ATG5: variants seen among roughly 807,000 people sequenced by gnomAD.
ATG5 encodes the protein autophagy related 5.
In ATG5, 14 loss-of-function variants were observed where a neutral mutation model predicts 36.5. The observed-to-expected ratio is 0.38, with a 90% CI of 0.25 to 0.60. The LOEUF (loss-of-function observed/expected upper bound fraction) is 0.60. Ranked by LOEUF, ATG5 falls within the 20% of genes least tolerant of loss-of-function variation. The probability of loss-of-function intolerance (pLI) is 0.60; values close to 1 mark genes in which losing one functional copy is unlikely to be tolerated. For missense variants in ATG5, 195 were observed against 326.7 expected (o/e 0.60, Z 3.11); for synonymous variants, 95 against 101.5 (o/e 0.94, Z 0.38).
chr6:106,225,869 GGACA>G (rs1777433763), intron 6 of ATG5, among the ~76,000 whole-genome samples: 1 of 151,998 alleles, frequency 6.6e-6, no homozygotes, highest in South Asian at 2.1e-4. Context: ...ATAACAGATG[GGACA>G]AACAAGCTAA....
At chr6:106,192,548 G>A (rs2114317217) in intron 7 of ATG5, among the ~76,000 whole-genome samples, 1 of 151,988 alleles carries the variant, frequency 6.6e-6, no homozygotes, top group South Asian at 2.1e-4. Context: ...TATCTTTAAG[G>A]GAAATTCATA....
At chr6:106,224,072 A>G (rs1435880292) in intron 6 of ATG5, among the ~76,000 whole-genome samples, 1 of 152,252 alleles carries the variant, frequency 6.6e-6, no homozygotes. Context: ...GAAGAAATCA[A>G]GGAAGACTTC....
intron 4 of ATG5, among the ~76,000 whole-genome samples, chr6:106,288,278 T>G (rs1209651594): frequency 6.6e-6 from 1 of 152,092 alleles, no homozygotes; most frequent in Non-Finnish European, 1.5e-5. Flanking sequence ...GCACAATTAA[T>G]TTTTCTAATA....
At chr6:106,212,412 G>A (rs1238599200) in intron 6 of ATG5, among the ~76,000 whole-genome samples, 1 of 152,200 alleles carries the variant, frequency 6.6e-6, no homozygotes, top group Non-Finnish European at 1.5e-5. Flanking sequence ...AGGCCAAGGC[G>A]GGCGGATCAC....
chr6:106,299,166 T>C (rs1318175172), intron 3 of ATG5, among the ~76,000 whole-genome samples: 3 of 152,220 alleles, frequency 2.0e-5, no homozygotes, highest in Non-Finnish European at 4.4e-5. Context: ...CCTAGCTGGA[T>C]ACCAAAATTC....
intron 3 of ATG5, among the ~76,000 whole-genome samples, chr6:106,293,551 T>C (rs1250819518): frequency 2.0e-5 from 3 of 152,220 alleles, no homozygotes; most frequent in Admixed American, 6.5e-5. Context: ...TCTGTGGTTA[T>C]TACCATTAAC....
intron 7 of ATG5, among the ~76,000 whole-genome samples, chr6:106,193,791 A>G (rs181564729): frequency 6.6e-6 from 1 of 152,352 alleles, no homozygotes; most frequent in East Asian, 1.9e-4. Flanking sequence ...TTTAAAATAT[A>G]GACAATAATT....
chr6:106,247,564 G>A (rs1778391809), intron 6 of ATG5, among the ~76,000 whole-genome samples: 1 of 152,154 alleles, frequency 6.6e-6, no homozygotes, highest in African/African-American at 2.4e-5. Flanking sequence ...GCTCCTGGGG[G>A]AATACAAGGT....
At chr6:106,277,879 A>G (rs1373298926) in intron 5 of ATG5, among the ~76,000 whole-genome samples, 1 of 152,170 alleles carries the variant, frequency 6.6e-6, no homozygotes. Context: ...AGAAATCCTA[A>G]TATTTATTTA....
chr6:106,239,369 T>C (rs989790199), intron 6 of ATG5, among the ~76,000 whole-genome samples: 2 of 152,162 alleles, frequency 1.3e-5, no homozygotes, highest in African/African-American at 4.8e-5. Flanking sequence ...CATGTTCTTG[T>C]CTGGGAAGAC....
intron 1 of ATG5, among the ~76,000 whole-genome samples, chr6:106,319,433 A>G (rs1770980838): frequency 6.6e-6 from 1 of 152,172 alleles, no homozygotes; most frequent in Admixed American, 6.5e-5. Context: ...CAGGTGCTAG[A>G]AGAAGAATAA....
At chr6:106,196,620 T>G (rs1776202773) in intron 7 of ATG5, among the ~76,000 whole-genome samples, 1 of 151,910 alleles carries the variant, frequency 6.6e-6, no homozygotes, top group South Asian at 2.1e-4. Context: ...GCTACTTGCG[T>G]GACCGAAGCA....
At chr6:106,193,981 A>G (rs572668008) in intron 7 of ATG5, among the ~76,000 whole-genome samples, 2 of 152,314 alleles carry the variant, frequency 1.3e-5, no homozygotes, top group Admixed American at 1.3e-4. Context: ...AGGTTAATTC[A>G]TTTAACTTCT....
At chr6:106,318,264 C>T (rs1046323163) in intron 1 of ATG5, among the ~76,000 whole-genome samples, 1 of 152,048 alleles carries the variant, frequency 6.6e-6, no homozygotes, top group Non-Finnish European at 1.5e-5. Context: ...GATCATAAAC[C>T]AAAACATCAT....
intron 5 of ATG5, among the ~76,000 whole-genome samples, chr6:106,257,318 T>A (rs941277839): frequency 6.6e-6 from 1 of 152,194 alleles, no homozygotes; most frequent in African/African-American, 2.4e-5. Flanking sequence ...AATAGTAACA[T>A]AGTCGTTTAT....
chr6:106,210,352 T>C (rs1424100326), intron 6 of ATG5, among the ~76,000 whole-genome samples: 1 of 152,212 alleles, frequency 6.6e-6, no homozygotes, highest in East Asian at 1.9e-4. Context: ...AAGGTAATTA[T>C]TACAATGTAT....
intron 6 of ATG5, among the ~76,000 whole-genome samples, chr6:106,245,840 T>A (rs1051128402): frequency 3.9e-5 from 6 of 152,154 alleles, no homozygotes; most frequent in African/African-American, 1.4e-4. Context: ...AAATAAATGC[T>A]ACATTTAACA....
intron 6 of ATG5, among the ~76,000 whole-genome samples, chr6:106,244,465 C>A (rs187541041): frequency 4.7e-4 from 71 of 152,314 alleles, no homozygotes; most frequent in Non-Finnish European, 8.4e-4. Flanking sequence ...ACAACGTCCC[C>A]CTTTGCCTAC....
intron 5 of ATG5, among the ~76,000 whole-genome samples, chr6:106,269,088 C>CCCTGA (rs1253036261): frequency 6.6e-6 from 1 of 152,170 alleles, no homozygotes. Context: ...CGTTTACAAT[C>CCCTGA]CCTGAGCTAG....
Sources: gnomAD v4.1 joint callset for allele counts (sites outside exome capture counted in the v4.1 genomes callset) on GRCh38, gnomAD v4.1.1 for gene constraint, MANE v1.5 for transcripts, NCBI Gene and HGNC (gene_info 2026-07-23, HGNC 2026-07-21) for gene names.